The following MGA variants were observed in gnomAD, a reference collection of about 807,000 sequenced individuals.
The protein encoded by MGA is MAX gene-associated protein.
A neutral mutation model predicts 261.1 loss-of-function variants in MGA; 40 were observed. The observed-to-expected ratio is 0.15, with a 90% CI of 0.12 to 0.20. The LOEUF is 0.20. MGA is among the 10% of genes least tolerant of loss of function. The pLI is 1.00. For synonymous variants in MGA, 1,302 were observed against 1,290.6 expected, an observed-to-expected ratio of 1.01 and a Z score of -0.19; for missense variants, 3,397 against 3,630.5, an observed-to-expected ratio of 0.94 and a Z score of 1.65.
intron 3 of MGA, 89 bp downstream of exon 3, chr15:41,697,112 G>C: frequency 8.9e-7 from 1 of 1,119,952 alleles, no homozygotes; most frequent in Non-Finnish European, 1.2e-6. Context: ...TTACAATCTA[G>C]TTTTGTGATA....
At chr15:41,763,958 G>A (rs1239662998) in intron 22 of MGA, among the ~76,000 whole-genome samples, 2 of 151,910 alleles carry the variant, frequency 1.3e-5, no homozygotes, top group Non-Finnish European at 2.9e-5. Flanking sequence ...AGGAATTTGA[G>A]ACCAGCCTTG....
At chr15:41,694,030 G>C (rs2059423985) in intron 2 of MGA, among the ~76,000 whole-genome samples, 1 of 152,064 alleles carries the variant, frequency 6.6e-6, no homozygotes, top group Non-Finnish European at 1.5e-5. Context: ...GGAAAAAACT[G>C]TTTAGTGTAA....
chr15:41,705,448 A>G (rs1408768852), intron 5 of MGA, among the ~76,000 whole-genome samples: 1 of 150,820 alleles, frequency 6.6e-6, no homozygotes, highest in Non-Finnish European at 1.5e-5. Context: ...AGTACCCTCA[A>G]CCTCCTGGGC....
At chr15:41,626,134 C>T (rs529827902) in intron 1 of MGA, among the ~76,000 whole-genome samples, 8 of 152,104 alleles carry the variant, frequency 5.3e-5, no homozygotes, top group Non-Finnish European at 8.8e-5. Context: ...TTTAGACATA[C>T]ACTGGGGGAT....
At chr15:41,743,748 A>G (rs2062254713) in intron 15 of MGA, among the ~76,000 whole-genome samples, 1 of 152,232 alleles carries the variant, frequency 6.6e-6, no homozygotes, top group South Asian at 2.1e-4. Flanking sequence ...AAAACCACTA[A>G]TGAATCAGCA....
At chr15:41,722,022 C>T (rs896657810) in intron 9 of MGA, among the ~76,000 whole-genome samples, 1 of 151,680 alleles carries the variant, frequency 6.6e-6, no homozygotes, top group East Asian at 1.9e-4. Context: ...CTGTGTGTTT[C>T]AGCATAGATG....
At chr15:41,731,442 A>G (rs1461940839) in intron 11 of MGA, among the ~76,000 whole-genome samples, 1 of 152,166 alleles carries the variant, frequency 6.6e-6, no homozygotes, top group Non-Finnish European at 1.5e-5. Context: ...ACTCTTTAAA[A>G]TAAACTCAGT....
chr15:41,657,339 CTTTTTTTTT>C (rs373920516), upstream of MGA, among the ~76,000 whole-genome samples: 2 of 106,922 alleles, frequency 1.9e-5, no homozygotes, highest in Admixed American at 9.3e-5. Flanking sequence ...AGTGAAGGCC[CTTTTTTTTT>C]TTTTTTTTTT....
At chr15:41,625,801 A>G (rs1595532575) in intron 1 of MGA, among the ~76,000 whole-genome samples, 1 of 152,236 alleles carries the variant, frequency 6.6e-6, no homozygotes, top group Non-Finnish European at 1.5e-5. Flanking sequence ...ATAGATCTCT[A>G]TTAATGACTT....
At chr15:41,668,111 G>A (rs1402193897) in intron 1 of MGA, among the ~76,000 whole-genome samples, 1 of 150,722 alleles carries the variant, frequency 6.6e-6, no homozygotes, top group Non-Finnish European at 1.5e-5. Flanking sequence ...GCATCATATA[G>A]TATTAAATTT....
chr15:41,765,705 T>C (rs2063763505), intron 23 of MGA, among the ~76,000 whole-genome samples: 1 of 152,230 alleles, frequency 6.6e-6, no homozygotes, highest in South Asian at 2.1e-4. Context: ...GTGAACAGAA[T>C]CAAGATGCAT....
intron 11 of MGA, 83 bp downstream of exon 11, chr15:41,729,432 A>T (rs918008676): frequency 7.5e-7 from 1 of 1,337,998 alleles, no homozygotes; most frequent in African/African-American, 1.5e-5. Context: ...TCAGAATAAT[A>T]ATTATCCTAC....
chr15:41,716,232 G>A (rs1487736880), intron 9 of MGA, among the ~76,000 whole-genome samples: 1 of 151,760 alleles, frequency 6.6e-6, no homozygotes, highest in South Asian at 2.1e-4. Flanking sequence ...CAGATCACGA[G>A]GTCAGGAGAT....
intron 2 of MGA, among the ~76,000 whole-genome samples, chr15:41,684,025 A>G (rs1595707301): frequency 6.6e-6 from 1 of 152,132 alleles, no homozygotes; most frequent in Admixed American, 6.6e-5. Context: ...AGGCGTTATA[A>G]TATGGGTTCT....
chr15:41,729,488 G>A, intron 11 of MGA, 139 bp downstream of exon 11: 1 of 843,660 alleles, frequency 1.2e-6, no homozygotes, highest in Non-Finnish European at 1.8e-6. Flanking sequence ...TTATTTCTCT[G>A]TGTACCTATT....
At chr15:41,726,031 G>A (rs951460961) in intron 9 of MGA, among the ~76,000 whole-genome samples, 2 of 152,120 alleles carry the variant, frequency 1.3e-5, no homozygotes, top group Admixed American at 1.3e-4. Flanking sequence ...GATGTAAATT[G>A]TAGAATGGCA....
intron 1 of MGA, among the ~76,000 whole-genome samples, chr15:41,624,311 G>C (rs1209713523): frequency 6.6e-6 from 1 of 151,858 alleles, no homozygotes; most frequent in Admixed American, 6.6e-5. Context: ...ACAGTGGTGC[G>C]ATCTCAGCTC....
In MGA at chr15:41,736,600, G is replaced by C; in HGVS notation, c.4336G>C (p.Gly1446Arg). Reference sequence around the variant, plus strand: ...GGATTCAGTGAGGGAGAGATTACATGGAGGCAAAGGTCTGCCTTTTTATGC... The same window carrying C: ...GGATTCAGTGAGGGAGAGATTACATCGAGGCAAAGGTCTGCCTTTTTATGC... Residue 1446 changes from glycine to arginine, a missense_variant, in exon 13 of 24, where the codon GGA (glycine) becomes CGA (arginine). Coordinates refer to ENST00000219905, the MANE Select transcript of MGA (RefSeq NM_001164273.2). The C allele has an allele frequency of 6.2e-7, 1 of 1,614,026 alleles. No homozygotes were observed. The highest frequency in any genetic ancestry group is 1.3e-5 in the African/African-American group (1 of 75,052).
intron 1 of MGA, among the ~76,000 whole-genome samples, chr15:41,650,599 G>C (rs2057022688): frequency 6.6e-6 from 1 of 152,006 alleles, no homozygotes; most frequent in Admixed American, 6.6e-5. Flanking sequence ...CACCATGCCT[G>C]GCCAACTTTT....
Sources: gnomAD v4.1 joint callset for allele counts (sites outside exome capture counted in the v4.1 genomes callset) on GRCh38, gnomAD v4.1.1 for gene constraint, MANE v1.5 for transcripts, NCBI Gene and HGNC (gene_info 2026-07-23, HGNC 2026-07-21) for gene names.